Variants in GUF1 observed in about 807,000 individuals in gnomAD.
GUF1 encodes GTP binding elongation factor GUF1.
In GUF1, 78 loss-of-function variants were observed where a neutral mutation model predicts 82.4. The observed-to-expected ratio is 0.95, with a 90% CI of 0.79 to 1.14. The LOEUF is 1.14. Among genes scored for constraint, GUF1 ranks in the 50% most tolerant of loss-of-function variants. The pLI, the probability that GUF1 is intolerant of heterozygous loss-of-function variation, is 0.00. For missense variants in GUF1, 814 were observed against 798.2 expected, an observed-to-expected ratio of 1.02 and a Z score of -0.24; for synonymous variants, 279 against 282.3, an observed-to-expected ratio of 0.99 and a Z score of 0.12.
In GUF1 at chr4:44,698,712, A is replaced by T; in HGVS notation, c.*31A>T. On this transcript the variant is annotated 3_prime_UTR_variant, in exon 17 of 17. Coordinates refer to ENST00000281543, the MANE Select transcript of GUF1 (RefSeq NM_021927.3). Reference sequence around the variant, plus strand: ...GGGAAAACAAAGAATTTTCATTGCAATTTGTAATATGCTGACAACAGAAAG... The same window carrying T: ...GGGAAAACAAAGAATTTTCATTGCATTTTGTAATATGCTGACAACAGAAAG... The T allele has an allele frequency of 1.3e-6, 2 of 1,559,094 alleles. No homozygotes were observed. Among genetic ancestry groups the T allele is most frequent in the Non-Finnish European group, 1.7e-6 (2 of 1,150,464 alleles).
chr4:44,696,096 C>T (rs1715805456), intron 15 of GUF1, among the ~76,000 whole-genome samples: 1 of 151,990 alleles, frequency 6.6e-6, no homozygotes, highest in Non-Finnish European at 1.5e-5. Context: ...TTTTGTCTTC[C>T]AAATGACAAA....
In GUF1 at chr4:44,686,475, T is replaced by C. The variant is rs1056152345; in HGVS notation, c.735-35T>C. The C allele has an allele frequency of 3.3e-6, 4 of 1,227,958 alleles. No homozygotes were observed. The East Asian group carries it at 7.7e-5, about 24-fold the overall frequency. 76.1% of individuals were successfully genotyped at this position (1,227,958 alleles called of 1,614,324 possible). ...GAATTTTATTAAGATTTTAATTTAG[T>C]GTATATATATTTACTTTTTACTTAT... is the stretch of plus-strand genomic sequence containing the variant. On this transcript the variant is annotated intron_variant, in intron 7 of 16. Transcript: ENST00000281543.
intron 1 of GUF1, among the ~76,000 whole-genome samples, chr4:44,679,958 C>A (rs113441365): frequency 0.017 from 2,592 of 152,116 alleles, 75 homozygotes; most frequent in African/African-American, 0.056. Flanking sequence ...AGAGAAGCTG[C>A]AAAGTAGCAA....
rs1206201070 is a variant in GUF1 at position 44,700,220 on chromosome 4, C to G, written c.*1539C>G. The G allele has an allele frequency of 6.6e-6, 1 of 152,130 alleles. No individual in the cohort carries two copies. The highest frequency in any genetic ancestry group is 1.5e-5 in the Non-Finnish European group (1 of 68,036). The allele number at this position is 152,130 out of a possible 1,614,324, so 9.4% of individuals were successfully genotyped here. A position where few individuals can be genotyped will look rare whatever the true frequency, so the allele number is the denominator to read the frequency against. On this transcript the variant is annotated 3_prime_UTR_variant, in exon 17 of 17. Transcript: ENST00000281543. ...CTGGGAACTGATTGAGGCAAACCTG[C>G]CTCCCATTTTATTCCTAAATAAGAC...
At chr4:44,697,532 G>GT in intron 16 of GUF1, 88 bp downstream of exon 16, 1 of 639,008 alleles carries the variant, frequency 1.6e-6, no homozygotes, top group South Asian at 3.1e-5. Flanking sequence ...TCCATTGTTG[G>GT]TTTTTATACA....
Position 44,686,025 on chromosome 4 carries a change from T to C in GUF1, c.734+2T>C. On this transcript the variant is annotated splice_donor_variant, in intron 7 of 16. Transcript: ENST00000281543. LOFTEE classifies it high-confidence loss of function. ...GGCAATTATTGAAAGAATCCCCCCG[T>C]GAGTATTTGGTGATTTTTGTACTAG... The C allele has an allele frequency of 6.3e-7, 1 of 1,594,862 alleles. No individual in the cohort carries two copies. The highest frequency in any genetic ancestry group is 8.6e-7 in the Non-Finnish European group (1 of 1,163,888).
intron 1 of GUF1, among the ~76,000 whole-genome samples, chr4:44,679,622 GT>G (rs201422120): frequency 2.6e-5 from 4 of 151,820 alleles, no homozygotes; most frequent in Non-Finnish European, 4.4e-5. Flanking sequence ...ATCAGAATTA[GT>G]TTTTTTTCGG....
Position 44,699,525 on chromosome 4 carries a change from G to A in GUF1, c.*844G>A, listed in dbSNP as rs1189360958. 1 of 152,164 alleles carries A rather than the reference G, an allele frequency of 6.6e-6. No homozygotes were observed. Among genetic ancestry groups the A allele is most frequent in the Non-Finnish European group, 1.5e-5 (1 of 68,060 alleles). The allele number at this position is 152,164 out of a possible 1,614,324, so 9.4% of individuals were successfully genotyped here. A position where few individuals can be genotyped will look rare whatever the true frequency, so the allele number is the denominator to read the frequency against. ...ACAATTTCCATGAATCTCAACAAGT[G>A]AGGACCTGCTATATTTTGTTGCATG... On this transcript the variant is annotated 3_prime_UTR_variant, in exon 17 of 17. Coordinates refer to ENST00000281543, the MANE Select transcript of GUF1 (RefSeq NM_021927.3).
At chr4:44,694,301 C>T (rs1715638448) in intron 13 of GUF1, 111 bp from the exon 14 acceptor site, 2 of 689,948 alleles carry the variant, frequency 2.9e-6, no homozygotes, top group South Asian at 1.7e-5. Context: ...AAACATATCT[C>T]TTTGGGGAGT....
chr4:44,684,501 T>C (rs182323678), intron 6 of GUF1, among the ~76,000 whole-genome samples: 1 of 152,028 alleles, frequency 6.6e-6, no homozygotes, highest in East Asian at 1.9e-4. Context: ...TCTAAGACAA[T>C]GGAAGGATTT....
At chr4:44,695,366 G>A (rs540226029) in intron 14 of GUF1, among the ~76,000 whole-genome samples, 13 of 152,280 alleles carry the variant, frequency 8.5e-5, no homozygotes, top group South Asian at 4.1e-4. Context: ...CGTTTTCAGC[G>A]GGTAAGGAAA....
At chr4:44,681,243 C>G (rs1013284662) in intron 4 of GUF1, 40 bp downstream of exon 4, 2 of 1,386,030 alleles carry the variant, frequency 1.4e-6, no homozygotes, top group African/African-American at 1.4e-5. Context: ...TATGACATGA[C>G]TATTTGGTTG....
intron 10 of GUF1, 122 bp downstream of exon 10, chr4:44,689,531 G>T: frequency 8.9e-7 from 1 of 1,122,230 alleles, no homozygotes. Flanking sequence ...GGTATAAAAT[G>T]GTGCATTGTT....
At chr4:44,686,222 A>G (rs966661465) in intron 7 of GUF1, among the ~76,000 whole-genome samples, 199 bp downstream of exon 7, 2 of 152,084 alleles carry the variant, frequency 1.3e-5, no homozygotes, top group African/African-American at 4.8e-5. Flanking sequence ...TAAAAGAAAA[A>G]GTAAAGATGA....
intron 15 of GUF1, among the ~76,000 whole-genome samples, chr4:44,696,048 A>C (rs1014684736): frequency 1.3e-5 from 2 of 151,950 alleles, no homozygotes; most frequent in African/African-American, 2.4e-5. Flanking sequence ...TTATCCCTTT[A>C]GGTAGATTAT....
At chr4:44,694,557 GAT>G in intron 14 of GUF1, 44 bp downstream of exon 14, 1 of 1,167,118 alleles carries the variant, frequency 8.6e-7, no homozygotes. Context: ...AAATACTTTT[GAT>G]ATGTTTTTCA....
rs564600520 is a variant in GUF1, at chr4:44,697,389, G to C, written c.1836-19G>C. ...GTATAATGGAATTATGTACTTAAAC[G>C]AATTTTTCTCTTTTACAGTGTGAAA... is the stretch of plus-strand genomic sequence containing the variant. On this transcript the variant is annotated intron_variant, in intron 15 of 16. Transcript: ENST00000281543. 17 of 1,527,028 alleles carry C rather than the reference G, an allele frequency of 1.1e-5. No individual in the cohort carries two copies. Among genetic ancestry groups the C allele is most frequent in the East Asian group, 2.3e-5 (1 of 42,570 alleles). The allele number at this position is 1,527,028 out of a possible 1,614,324, so 94.6% of individuals were successfully genotyped here.
At position 44,678,702 on chromosome 4, in the gene GUF1, C is replaced by T. The variant is rs1019562696; in HGVS notation, c.80C>T (p.Ala27Val). ...GCCACTGGGGCCGCGCTTCTGGTGG[C>T]CCCGGGGCCCCGGTCCGCGCCGACC... ...PRATGAALLV[A>V]PGPRSAPTLG... The change falls in exon 1 of 17, where the codon GCC (alanine) becomes GTC (valine). Residue 27 changes from alanine to valine, a missense_variant. By Grantham distance (64) the Ala-to-Val change is moderately conservative. Transcript: ENST00000281543. The T allele has an allele frequency of 1.3e-6, 2 of 1,506,944 alleles. No homozygotes were observed. Among genetic ancestry groups the T allele is most frequent in the African/African-American group, 1.5e-5 (1 of 68,000 alleles). The allele number at this position is 1,506,944 out of a possible 1,614,324, so 93.3% of individuals were successfully genotyped here. A position where few individuals can be genotyped will look rare whatever the true frequency, so the allele number is the denominator to read the frequency against.
chr4:44,691,363 TG>T (rs1256200866), intron 12 of GUF1, among the ~76,000 whole-genome samples: 2 of 151,798 alleles, frequency 1.3e-5, no homozygotes, highest in African/African-American at 4.8e-5. Context: ...ATTGTAATCT[TG>T]GTCTTAACTT....
Sources: allele counts gnomAD v4.1 joint callset (sites outside exome capture counted in the v4.1 genomes callset), GRCh38; gene constraint gnomAD v4.1.1; transcripts MANE v1.5; gene names NCBI Gene and HGNC (gene_info 2026-07-23, HGNC 2026-07-21).